ARCN1: variants seen among roughly 807,000 people sequenced by gnomAD.
ARCN1 encodes archain 1 coat protein complex I subunit delta, also known as coatomer subunit delta.
ARCN1 carries 5 observed loss-of-function variants against 60.4 expected under a neutral mutation model. That is an observed-to-expected ratio of 0.08 (90% confidence interval 0.04 to 0.17). The LOEUF (loss-of-function observed/expected upper bound fraction) is 0.17. Ranked by LOEUF, ARCN1 falls within the 10% of genes least tolerant of loss-of-function variation. The pLI, the probability that ARCN1 is intolerant of heterozygous loss-of-function variation, is 1.00. For synonymous variants in ARCN1, 224 were observed against 220.0 expected (o/e 1.02, Z -0.16); for missense variants, 464 against 626.5 (o/e 0.74, Z 2.77).
At position 118,601,592 on chromosome 11, in the gene ARCN1, T is replaced by A. The variant is rs1457153433; in HGVS notation, c.*878T>A. 7.1e-6 allele frequency: 5 copies of A among 701,982 alleles called. No individual in the cohort carries two copies. Among genetic ancestry groups the A allele is most frequent in the Non-Finnish European group, 1.3e-5 (5 of 384,478 alleles). 43.5% of individuals were successfully genotyped at this position (701,982 alleles called of 1,614,324 possible). A position where few individuals can be genotyped will look rare whatever the true frequency, so the allele number is the denominator to read the frequency against. On this transcript the variant is annotated 3_prime_UTR_variant, in exon 10 of 10. Coordinates refer to ENST00000264028, the MANE Select transcript of ARCN1 (RefSeq NM_001655.5). Reference sequence around the variant, plus strand: ...TAACCCATTCTTGATTTTTGGACTATTCAGGTGAACTATTTGAGGGGTATG... The same window carrying A: ...TAACCCATTCTTGATTTTTGGACTAATCAGGTGAACTATTTGAGGGGTATG...
intron 5 of ARCN1, among the ~76,000 whole-genome samples, 171 bp from the exon 6 acceptor site, chr11:118,590,169 AT>A (rs1413511303): frequency 2.6e-4 from 40 of 151,500 alleles, no homozygotes; most frequent in African/African-American, 8.7e-4. Flanking sequence ...CTAATTTTGT[AT>A]TTTTAGTAGA....
chr11:118,583,431 T>C (rs1938704548), intron 3 of ARCN1, 73 bp downstream of exon 3: 1 of 1,455,784 alleles, frequency 6.9e-7, no homozygotes, highest in Non-Finnish European at 9.1e-7. Flanking sequence ...CATTTTCCTA[T>C]TTTTACTTAC....
chr11:118,579,918 A>T (rs900335643), intron 1 of ARCN1, among the ~76,000 whole-genome samples: 4 of 152,182 alleles, frequency 2.6e-5, no homozygotes, highest in Non-Finnish European at 5.9e-5. Context: ...TCCATGTGTG[A>T]TATATTGGCA....
chr11:118,599,137 G>A (rs1939095654), intron 9 of ARCN1, among the ~76,000 whole-genome samples: 1 of 151,260 alleles, frequency 6.6e-6, no homozygotes, highest in Non-Finnish European at 1.5e-5. Context: ...TTGTTGCCCA[G>A]GCTGGAGTGC....
chr11:118,581,503 A>G lies in ARCN1; in HGVS notation c.261A>G (p.Ser87=), dbSNP rs1226729444. The G allele has an allele frequency of 6.2e-7, 1 of 1,609,136 alleles. No homozygotes were observed. The highest frequency in any genetic ancestry group is 8.5e-7 in the Non-Finnish European group (1 of 1,177,278). ...LEDLETLRLF[S]RVIPEYCRAL... is the part of the protein sequence containing the mutation. ...ATTTGGAGACCCTAAGGCTCTTCTCAAGAGTGGTAAGAGTACTGCTATAAT... is the reference window on the plus strand; with the variant it reads ...ATTTGGAGACCCTAAGGCTCTTCTCGAGAGTGGTAAGAGTACTGCTATAAT... The change falls in exon 2 of 10, where the codon TCA becomes TCG. Residue 87 remains serine (S), a synonymous_variant. Coordinates refer to ENST00000264028, the MANE Select transcript of ARCN1 (RefSeq NM_001655.5).
chr11:118,595,095 C>A (rs1591391120), intron 8 of ARCN1, among the ~76,000 whole-genome samples: 1 of 152,364 alleles, frequency 6.6e-6, no homozygotes, highest in African/African-American at 2.4e-5. Flanking sequence ...AAATGATCCA[C>A]CTGCCTTGGC....
intron 1 of ARCN1, among the ~76,000 whole-genome samples, chr11:118,580,408 C>G (rs1248136613): frequency 6.6e-6 from 1 of 152,154 alleles, no homozygotes; most frequent in Non-Finnish European, 1.5e-5. Flanking sequence ...ACATGCAAAA[C>G]TAGCGTAGTT....
At chr11:118,589,566 C>G (rs961214120) in intron 5 of ARCN1, among the ~76,000 whole-genome samples, 4 of 152,002 alleles carry the variant, frequency 2.6e-5, no homozygotes, top group Non-Finnish European at 4.4e-5. Context: ...AGTAGGCGCC[C>G]GTCACCACAC....
In ARCN1 at chr11:118,597,718, G is replaced by A. The variant is rs782282496; in HGVS notation, c.1253G>A (p.Gly418Asp). Residue 418 changes from glycine (G) to aspartate (D), a missense_variant, in exon 9 of 10, where the codon GGC becomes GAC. Around this residue, in one of 2 missense-constraint regions of ARCN1, gnomAD observed 359 missense variants for 440.2 expected, o/e 0.82. Transcript: ENST00000264028. ...GTTTCTCACAACAGGTCTGGTGTCG[G>A]CGCGCCTGTTATCGGTGAGATCGAT... ...VITIPLPSGV[G>D]APVIGEIDGE... 1 of 1,613,930 alleles carries A rather than the reference G, an allele frequency of 6.2e-7. No homozygotes were observed. Among genetic ancestry groups the A allele is most frequent in the African/African-American group, 1.3e-5 (1 of 74,900 alleles).
intron 8 of ARCN1, among the ~76,000 whole-genome samples, chr11:118,595,681 C>T (rs1008888118): frequency 5.9e-5 from 9 of 152,212 alleles, no homozygotes; most frequent in African/African-American, 1.7e-4. Flanking sequence ...CATCAGCCCT[C>T]ATGATTAAGC....
Position 118,601,589 on chromosome 11 carries a change from C to T in ARCN1, c.*875C>T, listed in dbSNP as rs1555078139. The T allele has an allele frequency of 1.4e-6, 1 of 699,926 alleles. No individual in the cohort carries two copies. The highest frequency in any genetic ancestry group is 2.6e-6 in the Non-Finnish European group (1 of 383,442). 43.4% of individuals were successfully genotyped at this position (699,926 alleles called of 1,614,324 possible). A position where few individuals can be genotyped will look rare whatever the true frequency, so the allele number is the denominator to read the frequency against. On this transcript the variant is annotated 3_prime_UTR_variant, in exon 10 of 10. Coordinates refer to ENST00000264028, the MANE Select transcript of ARCN1 (RefSeq NM_001655.5). The stretch of plus-strand genomic sequence containing the variant: ...ATCTAACCCATTCTTGATTTTTGGA[C>T]TATTCAGGTGAACTATTTGAGGGGT...
Position 118,581,309 on chromosome 11 carries a change from G to A in ARCN1, c.67G>A (p.Glu23Lys). ...GKAIVSRQFV[E>K]MTRTRIEGLL... ...GGCTATTGTTTCTCGACAGTTTGTGGAAATGACCCGAACTCGGATTGAGGG... is the reference window on the plus strand; with the variant it reads ...GGCTATTGTTTCTCGACAGTTTGTGAAAATGACCCGAACTCGGATTGAGGG... The change falls in exon 2 of 10, where the codon GAA becomes AAA. Residue 23 changes from glutamate (E) to lysine (K), a missense_variant. Glu to Lys is a moderately conservative substitution (Grantham distance 56). Around this residue, in one of 2 missense-constraint regions of ARCN1, gnomAD observed 105 missense variants for 186.3 expected, o/e 0.56. Coordinates refer to ENST00000264028, the MANE Select transcript of ARCN1 (RefSeq NM_001655.5). 1 of 1,614,230 alleles carries A rather than the reference G, an allele frequency of 6.2e-7. No homozygotes were observed. Among genetic ancestry groups the A allele is most frequent in the Non-Finnish European group, 8.5e-7 (1 of 1,180,040 alleles).
intron 2 of ARCN1, among the ~76,000 whole-genome samples, chr11:118,582,121 G>T (rs1555074737): frequency 6.6e-6 from 1 of 152,048 alleles, no homozygotes; most frequent in African/African-American, 2.4e-5. Flanking sequence ...TTTAGTGTGG[G>T]CAACACAGCA....
chr11:118,593,698 C>G lies in ARCN1; in HGVS notation c.1241C>G (p.Pro414Arg). Residue 414 changes from proline (P) to arginine (R), a missense_variant and splice_region_variant, in exon 8 of 10, where the codon CCG becomes CGG. Pro to Arg is a moderately radical substitution (Grantham distance 103, BLOSUM62 -2). This residue lies in a region of ARCN1 where 359 missense variants were observed against 440.2 expected (regional missense o/e 0.82). Coordinates refer to ENST00000264028, the MANE Select transcript of ARCN1 (RefSeq NM_001655.5). ...LNDVVITIPL[P>R]SGVGAPVIGE... ...GATGTGGTTATCACCATCCCACTCC[C>G]GTAAGTGCTGTCCCTGTGTCCTCTA... 1.3e-6 allele frequency: 2 copies of G among 1,598,758 alleles called. No individual in the cohort carries two copies. The highest frequency in any genetic ancestry group is 2.2e-5 in the South Asian group (2 of 90,700).
In ARCN1 at chr11:118,597,833, T is replaced by G. The variant is rs782042595; in HGVS notation, c.1368T>G (p.Phe456Leu). Residue 456 changes from phenylalanine (F) to leucine (L), a missense_variant, in exon 9 of 10, where the codon TTT (phenylalanine) becomes TTG (leucine). Phe to Leu is a conservative substitution (Grantham distance 22). Transcript: ENST00000264028. ...AAAATAAGAGTGGCAGCCTGGAGTT[T>G]AGCATTGCTGGGCAGCCCAATGACT... is the stretch of plus-strand genomic sequence containing the variant. ...DAKNKSGSLE[F>L]SIAGQPNDFF... The G allele has an allele frequency of 3.1e-6, 5 of 1,614,088 alleles. No homozygotes were observed. Among genetic ancestry groups the G allele is most frequent in the African/African-American group, 1.3e-5 (1 of 74,940 alleles).
At position 118,601,526 on chromosome 11, in the gene ARCN1, C is replaced by T; in HGVS notation, c.*812C>T. On this transcript the variant is annotated 3_prime_UTR_variant, in exon 10 of 10. Transcript: ENST00000264028. ...GTCAGGCACTGGGATCATCTGTTTA[C>T]AGGCATTATATTTATTTGGCACTCC... The T allele has an allele frequency of 3.1e-6, 2 of 655,022 alleles. No homozygotes were observed. The highest frequency in any genetic ancestry group is 5.5e-6 in the Non-Finnish European group (2 of 362,324). The allele number at this position is 655,022 out of a possible 1,614,324, so 40.6% of individuals were successfully genotyped here.
intron 8 of ARCN1, among the ~76,000 whole-genome samples, chr11:118,596,557 G>A (rs912369773): frequency 6.6e-6 from 1 of 152,188 alleles, no homozygotes; most frequent in East Asian, 1.9e-4. Flanking sequence ...GAAATTGATA[G>A]GGAAGAGTTA....
At chr11:118,596,992 G>A (rs1481027834) in intron 8 of ARCN1, among the ~76,000 whole-genome samples, 3 of 152,148 alleles carry the variant, frequency 2.0e-5, no homozygotes, top group Non-Finnish European at 2.9e-5. Flanking sequence ...AGTGGATCAC[G>A]GGGTCAGGAG....
At chr11:118,580,587 A>C (rs1336882661) in intron 1 of ARCN1, among the ~76,000 whole-genome samples, 1 of 152,178 alleles carries the variant, frequency 6.6e-6, no homozygotes, top group Non-Finnish European at 1.5e-5. Flanking sequence ...ATATTTTCAC[A>C]CCTAAAAAAT....
Sources: allele counts gnomAD v4.1 joint callset (sites outside exome capture counted in the v4.1 genomes callset), GRCh38; gene constraint gnomAD v4.1.1; regional missense constraint gnomAD v4.1.1; transcripts MANE v1.5; gene names NCBI Gene and HGNC (gene_info 2026-07-23, HGNC 2026-07-21).